The following ITPK1 variants were observed in gnomAD, a reference collection of about 807,000 sequenced individuals.
The protein encoded by ITPK1 is inositol-tetrakisphosphate 1-kinase.
In ITPK1, 21 loss-of-function variants were observed where a neutral mutation model predicts 45.3. That is an observed-to-expected ratio of 0.46 (90% CI 0.33 to 0.67). The LOEUF is 0.67. ITPK1 is among the 30% of genes least tolerant of loss of function. ITPK1 has a pLI of 0.02. For missense variants in ITPK1, 474 were observed against 573.5 expected (o/e 0.83, Z 1.77); for synonymous variants, 258 against 253.6 (o/e 1.02, Z -0.16).
At chr14:93,099,110 G>C (rs547098207) in intron 2 of ITPK1, among the ~76,000 whole-genome samples, 1 of 152,272 alleles carries the variant, frequency 6.6e-6, no homozygotes, top group African/African-American at 2.4e-5. Context: ...TCCCCTTCCG[G>C]GTGGAAATAG....
Position 93,076,007 on chromosome 14 carries a change from A to G in ITPK1, c.120+588T>C, listed in dbSNP as rs1439549413. On this transcript the variant is annotated intron_variant, in intron 3 of 10. Transcript: ENST00000267615. The surrounding 1 kb of genome is among the most constrained non-coding windows in gnomAD (Gnocchi z 4.3). The stretch of plus-strand genomic sequence containing the variant: ...TCACATAGAGTCTGAGAGTATTTTG[A>G]TGTTTCCTTCTTCCCCCTCCATCCA... Among the ~76,000 whole-genome samples the G allele has an allele frequency of 6.6e-6, 1 of 151,928 alleles. No homozygotes were observed. Among genetic ancestry groups the G allele is most frequent in the Non-Finnish European group, 1.5e-5 (1 of 67,976 alleles).
chr14:92,945,407 C>T (rs1036501732), intron 10 of ITPK1, among the ~76,000 whole-genome samples: 7 of 152,238 alleles, frequency 4.6e-5, no homozygotes, highest in African/African-American at 1.7e-4. Flanking sequence ...CCCCGAGTCC[C>T]CACCTGCCAG....
At chr14:92,983,248 C>T (rs1434624455) in intron 5 of ITPK1, among the ~76,000 whole-genome samples, 1 of 152,168 alleles carries the variant, frequency 6.6e-6, no homozygotes, top group Admixed American at 6.5e-5. Flanking sequence ...GATTTACAGC[C>T]CCTTCTGGAC....
At chr14:93,045,530 T>A (rs1480129291) in intron 3 of ITPK1, among the ~76,000 whole-genome samples, 2 of 152,176 alleles carry the variant, frequency 1.3e-5, no homozygotes, top group African/African-American at 4.8e-5. Context: ...CACGTGCCTG[T>A]AGTCCCAGCT....
intron 2 of ITPK1, among the ~76,000 whole-genome samples, chr14:93,100,558 CAGAG>C (rs752146253): frequency 1.5e-4 from 22 of 142,894 alleles, no homozygotes; most frequent in African/African-American, 4.8e-4. Flanking sequence ...GAGAGAGAGA[CAGAG>C]AGAGAGAGAG....
intron 4 of ITPK1, among the ~76,000 whole-genome samples, chr14:93,013,054 A>G (rs1220461634): frequency 6.6e-6 from 1 of 152,094 alleles, no homozygotes; most frequent in Non-Finnish European, 1.5e-5. Flanking sequence ...GGAGGCCCCT[A>G]GTGTCCCCGA....
intron 5 of ITPK1, among the ~76,000 whole-genome samples, chr14:92,967,694 C>T (rs1885448126): frequency 6.6e-6 from 1 of 152,148 alleles, no homozygotes; most frequent in Admixed American, 6.5e-5. Context: ...AAAATGTGAC[C>T]TACCCATACA....
chr14:93,029,198 G>A (rs1292780301), intron 3 of ITPK1, among the ~76,000 whole-genome samples: 1 of 152,158 alleles, frequency 6.6e-6, no homozygotes, highest in Non-Finnish European at 1.5e-5. Flanking sequence ...ATGATGAGAT[G>A]AGGGAACTCG....
Position 92,980,132 on chromosome 14 carries a change from G to C in ITPK1, c.364+13748C>G. Among the ~76,000 whole-genome samples the C allele has an allele frequency of 1.3e-5, 2 of 152,162 alleles. 1 individual carries two copies. The highest frequency in any genetic ancestry group is 3.9e-4 in the East Asian group (2 of 5,194). ...TAACAGACTATACACCAGCCCCAGA[G>C]GAGCACTGAGGCCTGGATCATCTTT... On this transcript the variant is annotated intron_variant, in intron 5 of 10. Coordinates refer to ENST00000267615, the MANE Select transcript of ITPK1 (RefSeq NM_014216.6).
At chr14:93,049,443 G>A (rs1361551482) in intron 3 of ITPK1, among the ~76,000 whole-genome samples, 1 of 152,218 alleles carries the variant, frequency 6.6e-6, no homozygotes, top group Non-Finnish European at 1.5e-5. Flanking sequence ...GGCAGGGAGA[G>A]AGTGCGCAGG....
chr14:93,103,715 G>A (rs1043206487), intron 2 of ITPK1, among the ~76,000 whole-genome samples: 2 of 152,180 alleles, frequency 1.3e-5, no homozygotes, highest in African/African-American at 4.8e-5. Flanking sequence ...ATTCATTCCA[G>A]GGGAGGGGGA....
chr14:92,941,227 T>C lies in ITPK1; in HGVS notation c.*334A>G, dbSNP rs889093666. 14 of 1,309,676 alleles carry C rather than the reference T, an allele frequency of 1.1e-5. No homozygotes were observed. The East Asian group carries it at 3.2e-4, about 30-fold the overall frequency. The allele number at this position is 1,309,676 out of a possible 1,614,324, so 81.1% of individuals were successfully genotyped here. On this transcript the variant is annotated 3_prime_UTR_variant, in exon 11 of 11. Coordinates refer to ENST00000267615, the MANE Select transcript of ITPK1 (RefSeq NM_014216.6). ...CCATGGAGACCAACAGACAGGGATG[T>C]GCACAGACACTGGCATGGCAGCCAT...
intron 5 of ITPK1, among the ~76,000 whole-genome samples, chr14:92,964,802 C>T (rs1885262281): frequency 6.6e-6 from 1 of 152,162 alleles, no homozygotes; most frequent in Non-Finnish European, 1.5e-5. Context: ...ATTTCAATGC[C>T]CTCCTCAACT....
At chr14:92,964,943 C>T (rs1566701682) in intron 5 of ITPK1, among the ~76,000 whole-genome samples, 1 of 152,220 alleles carries the variant, frequency 6.6e-6, no homozygotes, top group East Asian at 1.9e-4. Context: ...CTCATTTACC[C>T]TCATAAGAAC....
At chr14:92,998,500 A>G (rs1242358242) in intron 4 of ITPK1, among the ~76,000 whole-genome samples, 1 of 152,230 alleles carries the variant, frequency 6.6e-6, no homozygotes, top group Non-Finnish European at 1.5e-5. Context: ...CAGATTAAAT[A>G]GGAATCTGGG....
At chr14:92,999,989 G>A (rs1358467304) in intron 4 of ITPK1, among the ~76,000 whole-genome samples, 4 of 152,170 alleles carry the variant, frequency 2.6e-5, no homozygotes, top group South Asian at 2.1e-4. Context: ...TCCTTCAAGC[G>A]AAGCCATGTG....
intron 3 of ITPK1, among the ~76,000 whole-genome samples, chr14:93,064,555 A>G (rs986110304): frequency 5.9e-5 from 9 of 152,148 alleles, no homozygotes; most frequent in African/African-American, 2.2e-4. Flanking sequence ...CGGCTTCTGT[A>G]GAAGTGCTGA....
chr14:93,094,586 C>T (rs1410697761), intron 2 of ITPK1, among the ~76,000 whole-genome samples: 2 of 152,140 alleles, frequency 1.3e-5, no homozygotes, highest in African/African-American at 2.4e-5. Context: ...ATCTCCCTGG[C>T]GGAAGCTTAG....
In ITPK1 at chr14:93,015,839, T is replaced by TG. The variant is rs1888148938; in HGVS notation, c.246+836dup. ...GTGTCGGCAGGACGGCAGCACCGGG[T>TG]GACTAGGAGGCGGGTAAGATTCCCT... is the stretch of plus-strand genomic sequence containing the variant. On this transcript the variant is annotated intron_variant, in intron 4 of 10. Transcript: ENST00000267615. 3.9e-5 allele frequency among the ~76,000 whole-genome samples: 6 copies of TG among 152,082 alleles called. No individual in the cohort carries two copies. The South Asian group carries it at 1.3e-3, about 32-fold the overall frequency.
Sources: gnomAD v4.1 joint callset for allele counts (sites outside exome capture counted in the v4.1 genomes callset) on GRCh38, gnomAD v4.1.1 for gene constraint, Gnocchi (gnomAD v3.1) non-coding constraint, MANE v1.5 for transcripts, NCBI Gene and HGNC (gene_info 2026-07-23, HGNC 2026-07-21) for gene names.